Variants in AHDC1 observed in about 807,000 individuals in gnomAD.
The protein encoded by AHDC1 is transcription factor Gibbin.
A neutral mutation model predicts 87.9 loss-of-function variants in AHDC1; 7 were observed. The observed-to-expected ratio is 0.08, with a 90% confidence interval of 0.05 to 0.15. The LOEUF is 0.15. Ranked by LOEUF, AHDC1 falls within the 10% of genes least tolerant of loss-of-function variation. AHDC1 has a pLI of 1.00. For missense variants in AHDC1, 1,841 were observed against 2,253.2 expected (o/e 0.82, Z 3.70); for synonymous variants, 1,051 against 1,006.8 (o/e 1.04, Z -0.83).
chr1:27,564,184 G>A (rs1320799102), intron 3 of AHDC1, among the ~76,000 whole-genome samples: 2 of 152,196 alleles, frequency 1.3e-5, no homozygotes, highest in Non-Finnish European at 1.5e-5. Flanking sequence ...GGCCATAGTG[G>A]TGAGGGAGGC....
At position 27,555,958 on chromosome 1, in the gene AHDC1, C is replaced by T. The variant is rs199950847; in HGVS notation, c.-225+2347G>A. ...AAACAGCTGGCTCCCCTCCTCACCA[C>T]ACCCCGGCGGCCATTCTCTTGGACC... On this transcript the variant is annotated intron_variant, in intron 5 of 8. Transcript: ENST00000673934. Among the ~76,000 whole-genome samples the T allele has an allele frequency of 2.0e-5, 3 of 152,204 alleles. No individual in the cohort carries two copies. The East Asian group carries it at 5.8e-4, about 29-fold the overall frequency.
chr1:27,550,914 C>T lies in AHDC1; in HGVS notation c.1202G>A (p.Arg401Gln), dbSNP rs764920812. 1 of 1,597,398 alleles carries T rather than the reference C, an allele frequency of 6.3e-7. No individual in the cohort carries two copies. The highest frequency in any genetic ancestry group is 8.5e-7 in the Non-Finnish European group (1 of 1,177,308). Reference protein sequence around the residue: ...KILCRRRKAGRGRKADAGPEG... With the variant: ...KILCRRRKAGQGRKADAGPEG... ...GGGTCCGGCGTCTGCCTTGCGTCCC[C>T]GTCCGGCTTTCCGCCGGCGACACAG... Residue 401 changes from arginine (R) to glutamine (Q), a missense_variant, in exon 8 of 9, where the codon CGG (arginine) becomes CAG (glutamine). Physicochemically the swap from Arg to Gln is conservative, Grantham distance 43. Coordinates refer to ENST00000673934, the MANE Select transcript of AHDC1 (RefSeq NM_001371928.1).
At chr1:27,597,541 G>C (rs2089411281) in intron 3 of AHDC1, among the ~76,000 whole-genome samples, 6 of 152,088 alleles carry the variant, frequency 3.9e-5, no homozygotes, top group Admixed American at 3.9e-4. Flanking sequence ...AGGCCTCTCA[G>C]CAACCCCCTC....
chr1:27,551,236 C>A lies in AHDC1; in HGVS notation c.880G>T (p.Ala294Ser). ...GGTTGCAGGGGTGGCAGCTCCAGAG[C>A]TTCCCCGAGCGGCTCTAGTGCCTGC... ...DPQALEPLGE[A>S]LELPPLQPLA... The change falls in exon 8 of 9, where the codon GCT becomes TCT. Residue 294 changes from alanine (A) to serine (S), a missense_variant. Physicochemically the swap from Ala to Ser is moderately conservative, Grantham distance 99. Coordinates refer to ENST00000673934, the MANE Select transcript of AHDC1 (RefSeq NM_001371928.1). The A allele has an allele frequency of 6.2e-7, 1 of 1,609,540 alleles. No homozygotes were observed. Among genetic ancestry groups the A allele is most frequent in the Non-Finnish European group, 8.5e-7 (1 of 1,179,668 alleles).
In AHDC1 at chr1:27,551,007, G is replaced by A. The variant is rs754364756; in HGVS notation, c.1109C>T (p.Pro370Leu). ...ACCCTCAGGCCCGGGGGGGCCGTGCGGTGAGCACAAGTCCAGGCGCAAGGG... is the reference window on the plus strand; with the variant it reads ...ACCCTCAGGCCCGGGGGGGCCGTGCAGTGAGCACAAGTCCAGGCGCAAGGG... ...AEPLRLDLCS[P>L]HGPPGPEGHP... The change falls in exon 8 of 9, where the codon CCG (proline) becomes CTG (leucine). Residue 370 changes from proline to leucine, a missense_variant. Physicochemically the swap from Pro to Leu is moderately conservative, Grantham distance 98. Coordinates refer to ENST00000673934, the MANE Select transcript of AHDC1 (RefSeq NM_001371928.1). 3.7e-5 allele frequency: 58 copies of A among 1,571,406 alleles called. No individual in the cohort carries two copies. The highest frequency in any genetic ancestry group is 9.1e-5 in the East Asian group (4 of 44,182).
intron 3 of AHDC1, among the ~76,000 whole-genome samples, chr1:27,600,632 A>G (rs2089505163): frequency 6.6e-6 from 1 of 152,162 alleles, no homozygotes. Context: ...TTGGAGAACA[A>G]CAATGTCCCT....
chr1:27,534,877 G>A lies in AHDC1; in HGVS notation c.*83C>T, dbSNP rs1214875402. 2.6e-5 allele frequency: 4 copies of A among 152,270 alleles called. No homozygotes were observed. In the East Asian group the frequency reaches 7.7e-4, roughly 29 times the overall value. The allele number at this position is 152,270 out of a possible 1,614,324, so 9.4% of individuals were successfully genotyped here. On this transcript the variant is annotated 3_prime_UTR_variant, in exon 9 of 9. Transcript: ENST00000673934. ...GCAGGAGCTCCTGCCAGAGGACGAT[G>A]TGGACGCTGGGAGGGATCTTGGCGT...
Position 27,558,824 on chromosome 1 carries a change from G to A in AHDC1, c.-569C>T, listed in dbSNP as rs958863281. 2.0e-5 allele frequency: 8 copies of A among 398,562 alleles called. No individual in the cohort carries two copies. In the East Asian group the frequency reaches 2.5e-4, roughly 12 times the overall value. 24.7% of individuals were successfully genotyped at this position (398,562 alleles called of 1,614,324 possible). ...CCCGCACTCGGGGCCCTCTGCACAC[G>A]CTCAACTGGGTGGGCTCTGGGGTCC... is the stretch of plus-strand genomic sequence containing the variant. On this transcript the variant is annotated 5_prime_UTR_variant, in exon 4 of 9. Transcript: ENST00000673934. This position sits in a 1 kb window ranked among gnomAD's most constrained non-coding sequence, Gnocchi z 5.6.
In AHDC1 at chr1:27,551,802, C is replaced by T; in HGVS notation, c.314G>A (p.Ser105Asn). ...GTTGTCCCAGCAGCGTCGGGAGCTG[C>T]TGCCGTCTCCGACCGGTGTGGGGCA... is the stretch of plus-strand genomic sequence containing the variant. Reference protein sequence around the residue: ...ARCPTPVGDGSSSRRCWDNGR... With the variant: ...ARCPTPVGDGNSSRRCWDNGR... The change falls in exon 8 of 9, where the codon AGC (serine) becomes AAC (asparagine). Residue 105 changes from serine to asparagine, a missense_variant. By Grantham distance (46) the Ser-to-Asn change is conservative. This residue lies in a region of AHDC1 where 142 missense variants were observed against 165.6 expected (regional missense o/e 0.86). Transcript: ENST00000673934. 1 of 1,612,796 alleles carries T rather than the reference C, an allele frequency of 6.2e-7. No homozygotes were observed. Among genetic ancestry groups the T allele is most frequent in the Non-Finnish European group, 8.5e-7 (1 of 1,179,904 alleles).
chr1:27,585,253 C>CAAAA (rs35143338), intron 3 of AHDC1, among the ~76,000 whole-genome samples: 6 of 66,206 alleles, frequency 9.1e-5, no homozygotes, highest in African/African-American at 1.6e-4. Context: ...GACCCTGTCT[C>CAAAA]AAAAAAAAAA....
rs1212960664 is a variant in AHDC1, at chr1:27,595,177, TTGAG to T, written c.-629+8216_-629+8219del. Among the ~76,000 whole-genome samples, 1 of 151,940 alleles carries T rather than the reference TTGAG, an allele frequency of 6.6e-6. No homozygotes were observed. The highest frequency in any genetic ancestry group is 1.9e-4 in the East Asian group (1 of 5,190). On this transcript the variant is annotated intron_variant, in intron 3 of 8. Coordinates refer to ENST00000673934, the MANE Select transcript of AHDC1 (RefSeq NM_001371928.1). The surrounding 1 kb of genome is among the most constrained non-coding windows in gnomAD (Gnocchi z 4.0). ...TTGTGGCTACAGAGGGTGTTCTTGT[TTGAG>T]TGGGTGTTTGAAGCAGTGAGTGTAT...
intron 8 of AHDC1, among the ~76,000 whole-genome samples, chr1:27,542,173 A>T (rs2018954386): frequency 6.6e-6 from 1 of 152,254 alleles, no homozygotes; most frequent in South Asian, 2.1e-4. Context: ...AAATCATGAC[A>T]TATTACAGTC....
intron 3 of AHDC1, among the ~76,000 whole-genome samples, chr1:27,601,479 T>G (rs1207405572): frequency 1.3e-5 from 2 of 152,244 alleles, no homozygotes; most frequent in Non-Finnish European, 2.9e-5. Flanking sequence ...GCTTATGCCC[T>G]TACTGGTCTT....
In AHDC1 at chr1:27,602,696, C is replaced by A. The variant is rs147491003; in HGVS notation, c.-629+701G>T. Among the ~76,000 whole-genome samples the A allele has an allele frequency of 3.9e-5, 6 of 152,190 alleles. 1 individual carries two copies. The highest frequency in any genetic ancestry group is 1.2e-4 in the African/African-American group (5 of 41,454). ...GATTCAATCAGAGCCCCAGAGGAAACGCATTGATAGGCGATTATTTATTTA... is the reference window on the plus strand; with the variant it reads ...GATTCAATCAGAGCCCCAGAGGAAAAGCATTGATAGGCGATTATTTATTTA... On this transcript the variant is annotated intron_variant, in intron 3 of 8. Transcript: ENST00000673934.
chr1:27,581,127 G>A (rs1180010859), intron 3 of AHDC1, among the ~76,000 whole-genome samples: 1 of 151,764 alleles, frequency 6.6e-6, no homozygotes, highest in Non-Finnish European at 1.5e-5. Flanking sequence ...AAGCCACCAC[G>A]TCCCGCCTGT....
At chr1:27,602,704 T>A (rs1401463157) in intron 3 of AHDC1, among the ~76,000 whole-genome samples, 1 of 152,134 alleles carries the variant, frequency 6.6e-6, no homozygotes, top group Non-Finnish European at 1.5e-5. Context: ...AACGCATTGA[T>A]AGGCGATTAT....
Position 27,603,750 on chromosome 1 carries a change from T to G in AHDC1, c.-749A>C, listed in dbSNP as rs1366187731. The G allele has an allele frequency of 1.5e-5, 2 of 132,202 alleles. No homozygotes were observed. The highest frequency in any genetic ancestry group is 3.2e-5 in the Non-Finnish European group (2 of 63,120). The allele number at this position is 132,202 out of a possible 1,614,324, so 8.2% of individuals were successfully genotyped here. A position where few individuals can be genotyped will look rare whatever the true frequency, so the allele number is the denominator to read the frequency against. The stretch of plus-strand genomic sequence containing the variant: ...AACCTGGGAGGGAACGCGCCCCGCG[T>G]AGTCCTCCTGCTCCTCCTCCTCCGC... On this transcript the variant is annotated 5_prime_UTR_variant, in exon 2 of 9. Coordinates refer to ENST00000673934, the MANE Select transcript of AHDC1 (RefSeq NM_001371928.1).
At chr1:27,544,413 G>A (rs2019074369) in intron 8 of AHDC1, among the ~76,000 whole-genome samples, 2 of 152,170 alleles carry the variant, frequency 1.3e-5, no homozygotes, top group Admixed American at 6.5e-5. Context: ...TTCCTGGGGT[G>A]GAGGCTGAAC....
At position 27,560,200 on chromosome 1, in the gene AHDC1, TTG is replaced by T. The variant is rs10623052; in HGVS notation, c.-628-1319_-628-1318del. Among the ~76,000 whole-genome samples, 160 of 148,512 alleles carry T rather than the reference TTG, an allele frequency of 1.1e-3. No homozygotes were observed. The highest frequency in any genetic ancestry group is 6.9e-3 in the Middle Eastern group (2 of 288). ...CTTTTCACGTTTATTTCTATTCGTT[TTG>T]TGTGTGTGTGTGTGTGTGTGTGAGT... On this transcript the variant is annotated intron_variant, in intron 3 of 8. Coordinates refer to ENST00000673934, the MANE Select transcript of AHDC1 (RefSeq NM_001371928.1). The surrounding 1 kb of genome is among the most constrained non-coding windows in gnomAD (Gnocchi z 4.1).
Sources: allele counts gnomAD v4.1 joint callset (sites outside exome capture counted in the v4.1 genomes callset), GRCh38; gene constraint gnomAD v4.1.1; regional missense constraint gnomAD v4.1.1; non-coding constraint Gnocchi (gnomAD v3.1); transcripts MANE v1.5; gene names NCBI Gene and HGNC (gene_info 2026-07-23, HGNC 2026-07-21).